Variants in TENM2 observed in about 807,000 individuals in gnomAD.
TENM2 encodes the protein teneurin transmembrane protein 2.
Under a neutral mutation model 245.2 loss-of-function variants are expected in TENM2, and 52 were observed. That is an observed-to-expected ratio of 0.21 (90% CI 0.17 to 0.27). TENM2 has a LOEUF of 0.27. Among genes scored for constraint, TENM2 ranks in the 10% least tolerant of loss-of-function variants. The pLI is 1.00. For synonymous variants in TENM2, 1,363 were observed against 1,438.9 expected (o/e 0.95, Z 1.19); for missense variants, 3,046 against 3,666.8 (o/e 0.83, Z 4.37).
At chr5:167,571,507 C>G (rs551910279) in intron 2 of TENM2, among the ~76,000 whole-genome samples, 3 of 152,046 alleles carry the variant, frequency 2.0e-5, no homozygotes, top group South Asian at 4.2e-4. Context: ...TCACCTAGCC[C>G]CCCACCCTAC....
At chr5:167,162,048 C>A in the TENM2 span, among the ~76,000 whole-genome samples, 1 of 151,832 alleles carries the variant, frequency 6.6e-6, no homozygotes, top group African/African-American at 2.4e-5. Context: ...TACCTGTAGT[C>A]CCAGCTACTT....
the TENM2 span, among the ~76,000 whole-genome samples, chr5:167,070,284 A>ATTTTTTTTTTTTTT: frequency 5.3e-3 from 526 of 99,278 alleles, 26 homozygotes; most frequent in African/African-American, 0.019. Flanking sequence ...CGCCCGGCTA[A>ATTTTTTTTTTTTTT]TTTTTTTTTT....
chr5:167,223,549 T>C, the TENM2 span, among the ~76,000 whole-genome samples: 1 of 152,136 alleles, frequency 6.6e-6, no homozygotes, highest in Non-Finnish European at 1.5e-5. Flanking sequence ...CAGATAATGT[T>C]CCATTGTGTT....
chr5:167,698,726 C>T (rs1312141381), intron 2 of TENM2, among the ~76,000 whole-genome samples: 2 of 144,118 alleles, frequency 1.4e-5, no homozygotes, highest in Non-Finnish European at 3.0e-5. Context: ...CTCTTTTGCC[C>T]CGGCTAGAGT....
the TENM2 span, among the ~76,000 whole-genome samples, chr5:167,170,488 T>G: frequency 6.6e-6 from 1 of 152,190 alleles, no homozygotes; most frequent in Non-Finnish European, 1.5e-5. Context: ...AATATATTGG[T>G]TAAAATCACT....
At chr5:167,427,191 C>T (rs188638789) in intron 2 of TENM2, among the ~76,000 whole-genome samples, 32 of 152,200 alleles carry the variant, frequency 2.1e-4, no homozygotes, top group Non-Finnish European at 2.8e-4. Flanking sequence ...CGGTGGCTCA[C>T]GGCTGTAATA....
chr5:167,868,160 G>A (rs1443045499), intron 2 of TENM2, among the ~76,000 whole-genome samples: 1 of 152,116 alleles, frequency 6.6e-6, no homozygotes, highest in Non-Finnish European at 1.5e-5. Flanking sequence ...GTGGGAAGTT[G>A]TCCTGTGCAT....
intron 7 of TENM2, among the ~76,000 whole-genome samples, chr5:168,081,034 TA>T (rs1472013038): frequency 2.0e-5 from 3 of 152,176 alleles, no homozygotes; most frequent in Admixed American, 2.0e-4. Context: ...AGTGGGGTGT[TA>T]AAGTCTCCCA....
chr5:168,026,763 T>C (rs1184877312), intron 5 of TENM2, among the ~76,000 whole-genome samples: 3 of 152,166 alleles, frequency 2.0e-5, no homozygotes, highest in Non-Finnish European at 4.4e-5. Context: ...AATTCTTGAA[T>C]AGCCCTTAGC....
At chr5:167,029,031 T>G in the TENM2 span, among the ~76,000 whole-genome samples, 1 of 152,238 alleles carries the variant, frequency 6.6e-6, no homozygotes, top group Non-Finnish European at 1.5e-5. Flanking sequence ...AGCATTAAAC[T>G]TCTTAATAGC....
chr5:167,158,712 C>G, the TENM2 span, among the ~76,000 whole-genome samples: 1 of 152,088 alleles, frequency 6.6e-6, no homozygotes, highest in Non-Finnish European at 1.5e-5. Flanking sequence ...ACAAATCTTA[C>G]AAATCCCTCT....
intron 9 of TENM2, among the ~76,000 whole-genome samples, chr5:168,110,838 G>A (rs568954213): frequency 6.6e-6 from 1 of 152,288 alleles, no homozygotes; most frequent in Non-Finnish European, 1.5e-5. Flanking sequence ...AACAGCTTAA[G>A]TACTTATCGA....
At chr5:167,258,198 C>CAT in the TENM2 span, among the ~76,000 whole-genome samples, 27,127 of 141,684 alleles carry the variant, frequency 0.19, 2,756 homozygotes, top group East Asian at 0.37. Context: ...AATGTGTTGC[C>CAT]ATATATATAT....
the TENM2 span, among the ~76,000 whole-genome samples, chr5:167,279,238 A>G: frequency 1.3e-5 from 2 of 152,110 alleles, no homozygotes; most frequent in East Asian, 1.9e-4. Flanking sequence ...AAGTTTGACT[A>G]TGGATGCAAT....
intron 4 of TENM2, among the ~76,000 whole-genome samples, chr5:167,972,869 G>T (rs548432722): frequency 6.6e-6 from 1 of 152,206 alleles, no homozygotes; most frequent in Non-Finnish European, 1.5e-5. Flanking sequence ...TATAGTATGA[G>T]AAACAGACAT....
At chr5:167,373,096 G>T (rs1282856417) in intron 1 of TENM2, among the ~76,000 whole-genome samples, 4 of 152,138 alleles carry the variant, frequency 2.6e-5, no homozygotes. Flanking sequence ...ACCTGCACTT[G>T]GGTTAGCTCT....
intron 1 of TENM2, 109 bp downstream of exon 3, chr5:167,285,172 C>T (rs1177334364): frequency 2.6e-6 from 2 of 777,712 alleles, no homozygotes; most frequent in Non-Finnish European, 4.3e-6. Context: ...GACAGATGTA[C>T]CCTACAGCAG....
chr5:167,257,460 T>C, the TENM2 span, among the ~76,000 whole-genome samples: 2 of 152,222 alleles, frequency 1.3e-5, no homozygotes, highest in East Asian at 1.9e-4. Flanking sequence ...TTTGGGTATA[T>C]CCTAATTCCT....
chr5:167,347,467 G>T (rs1758537415), intron 1 of TENM2, among the ~76,000 whole-genome samples: 1 of 152,128 alleles, frequency 6.6e-6, no homozygotes, highest in Non-Finnish European at 1.5e-5. Flanking sequence ...CATTGGCATA[G>T]AAAACACATC....
Sources: allele counts gnomAD v4.1 joint callset (sites outside exome capture counted in the v4.1 genomes callset), GRCh38; gene constraint gnomAD v4.1.1; transcripts MANE v1.5; gene names NCBI Gene and HGNC (gene_info 2026-07-23, HGNC 2026-07-21).